The following SGPP1 variants were observed in gnomAD, a reference collection of about 807,000 sequenced individuals.
The protein encoded by SGPP1 is hSPP1.
In SGPP1, 21 loss-of-function variants were observed where a neutral mutation model predicts 33.0. The ratio of observed to expected loss-of-function variants is 0.64; its 90% CI spans 0.45 to 0.92. SGPP1 has a LOEUF of 0.92. Among genes scored for constraint, SGPP1 ranks in the 40% least tolerant of loss-of-function variants. The probability of loss-of-function intolerance (pLI) is 0.00; values close to 1 mark genes in which losing one functional copy is unlikely to be tolerated. For synonymous variants in SGPP1, 239 were observed against 241.2 expected, an observed-to-expected ratio of 0.99 and a Z score of 0.08; for missense variants, 543 against 589.4, an observed-to-expected ratio of 0.92 and a Z score of 0.81.
chr14:63,712,029 C>CA (rs61030675), intron 1 of SGPP1, among the ~76,000 whole-genome samples: 1,481 of 70,522 alleles, frequency 0.021, 17 homozygotes, highest in South Asian at 0.069. Context: ...GACTCCATCT[C>CA]AAAAAAAAAA....
intron 1 of SGPP1, among the ~76,000 whole-genome samples, chr14:63,725,574 C>A (rs928864008): frequency 3.3e-5 from 5 of 152,150 alleles, no homozygotes; most frequent in African/African-American, 4.8e-5. Flanking sequence ...ACGCAAATTT[C>A]TTAAACTTTG....
At chr14:63,719,774 T>A (rs1196537989) in intron 1 of SGPP1, among the ~76,000 whole-genome samples, 1 of 151,566 alleles carries the variant, frequency 6.6e-6, no homozygotes, top group African/African-American at 2.4e-5. Flanking sequence ...AAGGCATTTT[T>A]AAAAATCATA....
At chr14:63,711,870 A>G (rs1446419228) in intron 1 of SGPP1, among the ~76,000 whole-genome samples, 1 of 152,026 alleles carries the variant, frequency 6.6e-6, no homozygotes, top group Non-Finnish European at 1.5e-5. Context: ...TCTCTACTAA[A>G]AATATAAAAC....
intron 2 of SGPP1, among the ~76,000 whole-genome samples, chr14:63,688,373 T>C (rs1377587206): frequency 1.4e-5 from 2 of 141,440 alleles, no homozygotes; most frequent in African/African-American, 5.2e-5. Flanking sequence ...TGTAACTTGA[T>C]GATGGATTGA....
intron 1 of SGPP1, among the ~76,000 whole-genome samples, chr14:63,701,947 GT>G (rs1885308373): frequency 9.2e-6 from 1 of 108,996 alleles, no homozygotes; most frequent in Non-Finnish European, 1.8e-5. Context: ...ACCAAAAGAA[GT>G]AAAAAAAAAA....
chr14:63,686,601 A>T lies in SGPP1; in HGVS notation c.830T>A (p.Phe277Tyr). Residue 277 changes from phenylalanine to tyrosine, a missense_variant, in exon 3 of 3, where the codon TTT (phenylalanine) becomes TAT (tyrosine). Transcript: ENST00000247225. ...GTTGAAGTTGTCAATCAGGTCCACA[A>T]ATGGATAGAAGACAGCTAAGATTAA... ...TILILAVFYPFVDLIDNFNQT... is the reference protein window; with the variant it reads ...TILILAVFYPYVDLIDNFNQT... The T allele has an allele frequency of 1.2e-6, 2 of 1,613,742 alleles. No homozygotes were observed. The highest frequency in any genetic ancestry group is 1.7e-6 in the Non-Finnish European group (2 of 1,179,708).
chr14:63,719,299 C>G (rs1467480345), intron 1 of SGPP1, among the ~76,000 whole-genome samples: 2 of 151,062 alleles, frequency 1.3e-5, no homozygotes, highest in Non-Finnish European at 2.9e-5. Flanking sequence ...GCCACCACGC[C>G]TGGCCACATA....
intron 2 of SGPP1, among the ~76,000 whole-genome samples, chr14:63,690,840 A>C (rs1202691424): frequency 6.6e-6 from 1 of 152,082 alleles, no homozygotes; most frequent in East Asian, 1.9e-4. Flanking sequence ...CCTCCCAAGT[A>C]GCTGGGGTTA....
intron 1 of SGPP1, among the ~76,000 whole-genome samples, chr14:63,699,041 T>C (rs1885245547): frequency 6.6e-6 from 1 of 152,188 alleles, no homozygotes; most frequent in Admixed American, 6.5e-5. Context: ...TCCATGTAAA[T>C]GTCTTCAGTT....
intron 1 of SGPP1, among the ~76,000 whole-genome samples, chr14:63,710,204 A>G (rs920903878): frequency 8.5e-5 from 13 of 152,226 alleles, no homozygotes; most frequent in African/African-American, 2.9e-4. Flanking sequence ...CTTTCTGGAA[A>G]GCATTTTGTC....
At chr14:63,704,614 C>A (rs1036663708) in intron 1 of SGPP1, among the ~76,000 whole-genome samples, 10 of 152,028 alleles carry the variant, frequency 6.6e-5, no homozygotes. Flanking sequence ...CTTTGGGAGG[C>A]CAAGGCAGAA....
At chr14:63,689,475 G>A (rs879891323) in intron 2 of SGPP1, among the ~76,000 whole-genome samples, 8 of 151,522 alleles carry the variant, frequency 5.3e-5, no homozygotes, top group Admixed American at 2.6e-4. Context: ...TTTTCAAATC[G>A]TTTTACCACA....
At chr14:63,713,500 T>C (rs894036682) in intron 1 of SGPP1, among the ~76,000 whole-genome samples, 1 of 152,186 alleles carries the variant, frequency 6.6e-6, no homozygotes, top group Non-Finnish European at 1.5e-5. Flanking sequence ...ATGTCAGAAC[T>C]GGTGTCAGTC....
chr14:63,722,544 T>TAAA (rs1250323950), intron 1 of SGPP1, among the ~76,000 whole-genome samples: 1 of 149,444 alleles, frequency 6.7e-6, no homozygotes, highest in Non-Finnish European at 1.5e-5. Flanking sequence ...AAATAAAAAA[T>TAAA]AAAAAATAAA....
chr14:63,721,622 G>A (rs1392322880), intron 1 of SGPP1, among the ~76,000 whole-genome samples: 1 of 152,042 alleles, frequency 6.6e-6, no homozygotes, highest in African/African-American at 2.4e-5. Flanking sequence ...AGCCTCCTCT[G>A]GTCTTTACTG....
At chr14:63,690,596 A>G (rs957378494) in intron 2 of SGPP1, among the ~76,000 whole-genome samples, 1 of 152,254 alleles carries the variant, frequency 6.6e-6, no homozygotes, top group Admixed American at 6.5e-5. Flanking sequence ...ATGAATGAAT[A>G]AACAAATCCT....
At chr14:63,724,923 G>A (rs1193256328) in intron 1 of SGPP1, among the ~76,000 whole-genome samples, 1 of 151,404 alleles carries the variant, frequency 6.6e-6, no homozygotes, top group East Asian at 1.9e-4. Context: ...AGGCCAAGGA[G>A]GGAGGATAAC....
At chr14:63,686,889 T>A (rs1884992160) in intron 2 of SGPP1, among the ~76,000 whole-genome samples, 1 of 152,198 alleles carries the variant, frequency 6.6e-6, no homozygotes, top group South Asian at 2.1e-4. Context: ...ACTACATATA[T>A]AATATCCACA....
chr14:63,714,992 G>A (rs1306465363), intron 1 of SGPP1, among the ~76,000 whole-genome samples: 1 of 151,708 alleles, frequency 6.6e-6, no homozygotes, highest in Admixed American at 6.6e-5. Flanking sequence ...TAAAGTGCTG[G>A]GATTACAGGC....
Sources: allele counts gnomAD v4.1 joint callset (sites outside exome capture counted in the v4.1 genomes callset), GRCh38; gene constraint gnomAD v4.1.1; transcripts MANE v1.5; gene names NCBI Gene and HGNC (gene_info 2026-07-23, HGNC 2026-07-21).